Variants in PCDH15 observed in about 807,000 individuals in gnomAD.
The protein encoded by PCDH15 is protocadherin related 15.
In PCDH15, 129 loss-of-function variants were observed where a neutral mutation model predicts 178.5. The ratio of observed to expected loss-of-function variants is 0.72; its 90% CI spans 0.63 to 0.84. The LOEUF is 0.84. PCDH15 is among the 40% of genes least tolerant of loss of function. The pLI is 0.00. For synonymous variants in PCDH15, 800 were observed against 732.0 expected (o/e 1.09, Z -1.50); for missense variants, 2,230 against 2,099.9 (o/e 1.06, Z -1.21).
intron 15 of PCDH15, among the ~76,000 whole-genome samples, chr10:54,130,984 T>C (rs1159801275): frequency 6.6e-6 from 1 of 152,204 alleles, no homozygotes; most frequent in African/African-American, 2.4e-5. Flanking sequence ...TTGTTCTTTC[T>C]AATAGAGACT....
rs140277234 is a variant in PCDH15, at chr10:53,972,962, A to T, written c.2869-11070T>A. Among the ~76,000 whole-genome samples, 182 of 152,266 alleles carry T rather than the reference A, an allele frequency of 1.2e-3. 2 individuals carry two copies. The highest frequency in any genetic ancestry group is 6.5e-4 in the Non-Finnish European group (44 of 68,034). ...CTGGGCATATATGCAAAGGATTATA[A>T]ATCATGCTGCTATAAAGACACATGC... On this transcript the variant is annotated intron_variant, in intron 21 of 37. Coordinates refer to ENST00000644397, the MANE Select transcript of PCDH15 (RefSeq NM_001384140.1).
At chr10:54,888,163 C>T (rs975870735) in intron 3 of PCDH15, among the ~76,000 whole-genome samples, 2 of 152,096 alleles carry the variant, frequency 1.3e-5, no homozygotes, top group Non-Finnish European at 2.9e-5. Context: ...GAAGTTTCCT[C>T]GGGCTCTGTT....
At chr10:54,987,912 G>C (rs1343602164) in intron 2 of PCDH15, among the ~76,000 whole-genome samples, 1 of 151,884 alleles carries the variant, frequency 6.6e-6, no homozygotes, top group Admixed American at 6.6e-5. Flanking sequence ...ATTGCTTTTG[G>C]CATTTTTGTC....
chr10:55,385,182 G>A (rs923751473), intron 2 of PCDH15, among the ~76,000 whole-genome samples: 1 of 152,036 alleles, frequency 6.6e-6, no homozygotes, highest in Non-Finnish European at 1.5e-5. Context: ...CCTAAACAAT[G>A]TCGTATATGT....
chr10:54,771,225 C>A (rs1949052221), intron 1 of PCDH15, among the ~76,000 whole-genome samples: 1 of 151,970 alleles, frequency 6.6e-6, no homozygotes, highest in Admixed American at 6.6e-5. Flanking sequence ...AGTTAAATTT[C>A]TATCTGTTTG....
intron 13 of PCDH15, among the ~76,000 whole-genome samples, chr10:54,168,027 C>T (rs985184906): frequency 2.0e-5 from 3 of 151,954 alleles, no homozygotes; most frequent in East Asian, 1.9e-4. Flanking sequence ...CTTCCACCCT[C>T]CATTCCTCCT....
intron 2 of PCDH15, among the ~76,000 whole-genome samples, chr10:54,596,183 A>G (rs1473377832): frequency 1.3e-5 from 2 of 152,180 alleles, no homozygotes; most frequent in African/African-American, 4.8e-5. Flanking sequence ...GGTCAAAATG[A>G]AAGAAAAAAA....
At chr10:54,519,737 A>C (rs183665332) in intron 3 of PCDH15, among the ~76,000 whole-genome samples, 3,010 of 152,258 alleles carry the variant, frequency 0.02, 99 homozygotes, top group African/African-American at 0.068. Flanking sequence ...GGAACCAAAA[A>C]AGAGCCCGCA....
At chr10:54,976,468 G>T (rs1300340026) in intron 2 of PCDH15, among the ~76,000 whole-genome samples, 2 of 152,154 alleles carry the variant, frequency 1.3e-5, no homozygotes, top group East Asian at 3.9e-4. Context: ...AGGAGACTAG[G>T]GAAAGGGTGC....
intron 2 of PCDH15, among the ~76,000 whole-genome samples, chr10:55,546,697 T>C (rs984164159): frequency 6.6e-5 from 10 of 152,072 alleles, no homozygotes; most frequent in Non-Finnish European, 1.2e-4. Context: ...AAGGGAGACA[T>C]AGTTTTATCT....
Position 53,831,446 on chromosome 10 carries a change from T to A in PCDH15, c.4071A>T (p.Pro1357=). ...TCTTTTTAATGCTGGTCACTGCCTCTGGAGTCCGGATCTCCAGAATGCGTC... is the reference window on the plus strand; with the variant it reads ...TCTTTTTAATGCTGGTCACTGCCTCAGGAGTCCGGATCTCCAGAATGCGTC... ...EGGRILEIRT[P]EAVTSIKKRG... The change falls in exon 30 of 38, where the codon CCA becomes CCT. Residue 1357 remains proline, a synonymous_variant. Coordinates refer to ENST00000644397, the MANE Select transcript of PCDH15 (RefSeq NM_001384140.1). The A allele has an allele frequency of 6.2e-7, 1 of 1,614,190 alleles. No homozygotes were observed. Among genetic ancestry groups the A allele is most frequent in the Non-Finnish European group, 8.5e-7 (1 of 1,180,022 alleles).
chr10:55,336,037 T>C (rs1017816331), intron 2 of PCDH15, among the ~76,000 whole-genome samples: 1 of 149,860 alleles, frequency 6.7e-6, no homozygotes, highest in Admixed American at 6.7e-5. Flanking sequence ...GCCCAGATAG[T>C]TCTTTGTTGT....
intron 2 of PCDH15, among the ~76,000 whole-genome samples, chr10:55,040,834 T>G (rs1046957014): frequency 1.3e-5 from 2 of 152,102 alleles, no homozygotes; most frequent in Non-Finnish European, 2.9e-5. Context: ...ATTTTATGAC[T>G]TTTTTCTCAT....
chr10:54,846,899 T>A (rs1953527973), intron 3 of PCDH15, among the ~76,000 whole-genome samples: 1 of 152,200 alleles, frequency 6.6e-6, no homozygotes, highest in South Asian at 2.1e-4. Flanking sequence ...ACACTGCATT[T>A]GAGTACGATA....
intron 3 of PCDH15, among the ~76,000 whole-genome samples, chr10:54,397,577 A>G (rs1394975408): frequency 1.3e-5 from 2 of 152,038 alleles, no homozygotes; most frequent in East Asian, 3.9e-4. Context: ...AATGGGATTC[A>G]TATTGGAACT....
intron 1 of PCDH15, among the ~76,000 whole-genome samples, chr10:54,766,351 T>TA (rs1490254894): frequency 6.6e-6 from 1 of 152,182 alleles, no homozygotes; most frequent in Non-Finnish European, 1.5e-5. Flanking sequence ...TTTACACTTT[T>TA]ACATTAAAGA....
intron 6 of PCDH15, among the ~76,000 whole-genome samples, chr10:54,333,025 C>G (rs1940186437): frequency 6.6e-6 from 1 of 152,074 alleles, no homozygotes; most frequent in Admixed American, 6.6e-5. Context: ...CTCACTGCAA[C>G]CTCTGCCTCC....
intron 28 of PCDH15, among the ~76,000 whole-genome samples, chr10:53,843,201 G>A (rs1564593320): frequency 6.6e-6 from 1 of 152,068 alleles, no homozygotes; most frequent in Non-Finnish European, 1.5e-5. Context: ...TTGGGACAAA[G>A]TATATCTTAT....
At chr10:54,016,899 G>T (rs542004912) in intron 20 of PCDH15, among the ~76,000 whole-genome samples, 1 of 152,254 alleles carries the variant, frequency 6.6e-6, no homozygotes, top group South Asian at 2.1e-4. Flanking sequence ...TTTAAAGAAA[G>T]AAAAGTGTTG....
Sources: allele counts gnomAD v4.1 joint callset (sites outside exome capture counted in the v4.1 genomes callset), GRCh38; gene constraint gnomAD v4.1.1; transcripts MANE v1.5; gene names NCBI Gene and HGNC (gene_info 2026-07-23, HGNC 2026-07-21).